The following RNF4 variants were observed in gnomAD, a reference collection of about 807,000 sequenced individuals.
RNF4 encodes the protein ring finger protein 4.
Under a neutral mutation model 24.3 loss-of-function variants are expected in RNF4, and 7 were observed. The ratio of observed to expected loss-of-function variants is 0.29; its 90% CI spans 0.16 to 0.54. RNF4 has a LOEUF of 0.54. RNF4 is among the 20% of genes least tolerant of loss of function. RNF4 has a pLI of 0.95. For synonymous variants in RNF4, 83 were observed against 84.3 expected (o/e 0.98, Z 0.09); for missense variants, 209 against 248.5 (o/e 0.84, Z 1.07).
At chr4:2,498,998 A>G (rs1735826010) in intron 3 of RNF4, among the ~76,000 whole-genome samples, 1 of 152,304 alleles carries the variant, frequency 6.6e-6, no homozygotes, top group Non-Finnish European at 1.5e-5. Context: ...GGAGTTCAAG[A>G]CCAGCCTGGC....
intron 1 of RNF4, among the ~76,000 whole-genome samples, chr4:2,481,738 C>T (rs549469451): frequency 1.9e-4 from 29 of 152,156 alleles, no homozygotes; most frequent in African/African-American, 6.5e-4. Flanking sequence ...GACAGAGTCT[C>T]GCTCTATCAC....
At chr4:2,474,898 A>C (rs1172033366) in intron 1 of RNF4, among the ~76,000 whole-genome samples, 1 of 152,104 alleles carries the variant, frequency 6.6e-6, no homozygotes, top group Non-Finnish European at 1.5e-5. Flanking sequence ...GTGGTGGGGC[A>C]TGCCTGTAAT....
chr4:2,474,400 A>T (rs1735006061), intron 1 of RNF4, among the ~76,000 whole-genome samples: 1 of 146,032 alleles, frequency 6.8e-6, no homozygotes, highest in African/African-American at 2.6e-5. Context: ...AAAAAAAAAA[A>T]GTAGAACCTG....
Position 2,513,918 on chromosome 4 carries a change from C to A in RNF4, c.*99C>A, listed in dbSNP as rs569364939. 2.7e-6 allele frequency: 4 copies of A among 1,478,204 alleles called. No individual in the cohort carries two copies. The African/African-American group carries it at 5.6e-5, about 21-fold the overall frequency. The allele number at this position is 1,478,204 out of a possible 1,614,324, so 91.6% of individuals were successfully genotyped here. A position where few individuals can be genotyped will look rare whatever the true frequency, so the allele number is the denominator to read the frequency against. On this transcript the variant is annotated 3_prime_UTR_variant, in exon 8 of 8. Transcript: ENST00000314289. ...TTTCCTGAGATCAAAAAGACTGTTTCGAAACCAACATCTGATATGTAAACT... is the reference window on the plus strand; with the variant it reads ...TTTCCTGAGATCAAAAAGACTGTTTAGAAACCAACATCTGATATGTAAACT...
At chr4:2,472,728 ATACTATT>A (rs1734943977) in intron 1 of RNF4, among the ~76,000 whole-genome samples, 1 of 152,074 alleles carries the variant, frequency 6.6e-6, no homozygotes, top group South Asian at 2.1e-4. Flanking sequence ...CTGAAAGGAT[ATACTATT>A]CTAGATACCA....
chr4:2,488,473 C>CA (rs1036811721), intron 1 of RNF4, among the ~76,000 whole-genome samples: 38 of 151,032 alleles, frequency 2.5e-4, no homozygotes, highest in Admixed American at 4.0e-4. Flanking sequence ...ACAACAACAA[C>CA]AAAAAAAAAC....
chr4:2,498,909 A>G (rs535501659), intron 3 of RNF4, among the ~76,000 whole-genome samples: 56 of 151,370 alleles, frequency 3.7e-4, no homozygotes, highest in African/African-American at 1.3e-3. Context: ...AAAAGAAGTT[A>G]CGTTGGGTTG....
At chr4:2,472,574 AG>A (rs775382078) in intron 1 of RNF4, among the ~76,000 whole-genome samples, 29 of 146,592 alleles carry the variant, frequency 2.0e-4, no homozygotes, top group Non-Finnish European at 3.7e-4. Flanking sequence ...CAGCATAGTG[AG>A]ACCACCCCCT....
chr4:2,496,895 T>C, intron 2 of RNF4, 112 bp from the exon 3 acceptor site: 1 of 700,488 alleles, frequency 1.4e-6, no homozygotes, highest in South Asian at 1.9e-5. Flanking sequence ...TAACTTCAAG[T>C]CTACTCGCTG....
At chr4:2,488,719 T>G (rs1423901232) in intron 1 of RNF4, among the ~76,000 whole-genome samples, 4 of 152,206 alleles carry the variant, frequency 2.6e-5, no homozygotes, top group Non-Finnish European at 4.4e-5. Flanking sequence ...GCAGTTCTGT[T>G]CTATAGATAA....
chr4:2,512,214 G>T lies in RNF4; in HGVS notation c.215-224G>T. The T allele has an allele frequency of 1.5e-6, 1 of 654,118 alleles. No individual in the cohort carries two copies. The highest frequency in any genetic ancestry group is 1.9e-5 in the South Asian group (1 of 51,758). The allele number at this position is 654,118 out of a possible 1,614,324, so 40.5% of individuals were successfully genotyped here. A position where few individuals can be genotyped will look rare whatever the true frequency, so the allele number is the denominator to read the frequency against. On this transcript the variant is annotated intron_variant, in intron 5 of 7. Coordinates refer to ENST00000314289, the MANE Select transcript of RNF4 (RefSeq NM_002938.5). This position sits in a 1 kb window ranked among gnomAD's most constrained non-coding sequence, Gnocchi z 4.1. ...TGTGGCCTACCAGATTTTGGAGAAG[G>T]CTGGTAGCTCACAGCAGGGGTTGGG...
chr4:2,483,255 T>C (rs550522755), intron 1 of RNF4, among the ~76,000 whole-genome samples: 5 of 152,310 alleles, frequency 3.3e-5, no homozygotes, highest in Non-Finnish European at 5.9e-5. Context: ...TTCTGGGTGC[T>C]AGGAACCATA....
intron 1 of RNF4, among the ~76,000 whole-genome samples, chr4:2,477,726 G>A (rs1277147458): frequency 6.6e-6 from 1 of 152,284 alleles, no homozygotes; most frequent in Middle Eastern, 3.4e-3. Flanking sequence ...CGGCCATTTG[G>A]AACTGGCTTT....
At chr4:2,496,087 G>C (rs1161890049) in intron 2 of RNF4, among the ~76,000 whole-genome samples, 1 of 152,224 alleles carries the variant, frequency 6.6e-6, no homozygotes, top group Non-Finnish European at 1.5e-5. Context: ...CTGAGAGCCT[G>C]AACTTTCCGG....
Position 2,513,889 on chromosome 4 carries a change from C to G in RNF4, c.*70C>G. ...CCAGGTTCTCCAGTGGTATCTGCCTCCATTTTCCTGAGATCAAAAAGACTG... is the reference window on the plus strand; with the variant it reads ...CCAGGTTCTCCAGTGGTATCTGCCTGCATTTTCCTGAGATCAAAAAGACTG... On this transcript the variant is annotated 3_prime_UTR_variant, in exon 8 of 8. Coordinates refer to ENST00000314289, the MANE Select transcript of RNF4 (RefSeq NM_002938.5). 6.3e-7 allele frequency: 1 copy of G among 1,592,646 alleles called. No homozygotes were observed.
chr4:2,509,878 C>T (rs1736218317), intron 4 of RNF4, among the ~76,000 whole-genome samples: 1 of 152,100 alleles, frequency 6.6e-6, no homozygotes, highest in African/African-American at 2.4e-5. Context: ...CTGTAGAAAG[C>T]TGGGGTCATT....
intron 1 of RNF4, among the ~76,000 whole-genome samples, chr4:2,486,216 G>A (rs1460130244): frequency 1.3e-5 from 2 of 152,212 alleles, no homozygotes; most frequent in African/African-American, 4.8e-5. Flanking sequence ...TATTTAGGAA[G>A]CGCAGTGCCT....
intron 7 of RNF4, 39 bp downstream of exon 7, chr4:2,513,170 C>A: frequency 6.3e-7 from 1 of 1,578,662 alleles, no homozygotes; most frequent in Non-Finnish European, 8.7e-7. Context: ...CTTCTGGTTT[C>A]TAAACTTCAC....
In RNF4 at chr4:2,513,128, A is replaced by G; in HGVS notation, c.420A>G (p.Ser140=). Residue 140 remains serine, a synonymous_variant, in exon 7 of 8, where the codon TCA becomes TCG. Transcript: ENST00000314289. ...GTCCCATCTGCATGGACGGATACTCAGAGGTAAGTAAACCAAGCTGTATCT... is the reference window on the plus strand; with the variant it reads ...GTCCCATCTGCATGGACGGATACTCGGAGGTAAGTAAACCAAGCTGTATCT... ...VSCPICMDGY[S]EIVQNGRLIV... The G allele has an allele frequency of 1.2e-6, 2 of 1,613,674 alleles. No homozygotes were observed. The highest frequency in any genetic ancestry group is 1.7e-6 in the Non-Finnish European group (2 of 1,179,630).
Sources: gnomAD v4.1 joint callset for allele counts (sites outside exome capture counted in the v4.1 genomes callset) on GRCh38, gnomAD v4.1.1 for gene constraint, Gnocchi (gnomAD v3.1) non-coding constraint, MANE v1.5 for transcripts, NCBI Gene and HGNC (gene_info 2026-07-23, HGNC 2026-07-21) for gene names.